Variants in WDR70 observed in about 807,000 individuals in gnomAD.
WDR70 encodes the protein WD repeat-containing protein 70.
A neutral mutation model predicts 88.6 loss-of-function variants in WDR70; 53 were observed. The observed-to-expected ratio is 0.60, with a 90% CI of 0.48 to 0.75. The LOEUF (loss-of-function observed/expected upper bound fraction) is 0.75. Ranked by LOEUF, WDR70 falls within the 30% of genes least tolerant of loss-of-function variation. The probability of loss-of-function intolerance (pLI) is 0.00; values close to 1 mark genes in which losing one functional copy is unlikely to be tolerated. For missense variants in WDR70, 610 were observed against 823.2 expected (o/e 0.74, Z 3.17); for synonymous variants, 280 against 270.0 (o/e 1.04, Z -0.36).
intron 9 of WDR70, among the ~76,000 whole-genome samples, chr5:37,529,543 G>A (rs1741416081): frequency 6.6e-6 from 1 of 151,946 alleles, no homozygotes; most frequent in African/African-American, 2.4e-5. Flanking sequence ...CATGTCCTTG[G>A]TTAGGTAAAT....
rs60774956 is a variant in WDR70, at chr5:37,691,777, A to G, written c.1093-5878A>G. Among the ~76,000 whole-genome samples, 1,210 of 152,314 alleles carry G rather than the reference A, an allele frequency of 7.9e-3. 17 individuals are homozygous for G. The highest frequency in any genetic ancestry group is 0.028 in the African/African-American group (1,147 of 41,560). On this transcript the variant is annotated intron_variant, in intron 10 of 17. Transcript: ENST00000265107. ...AAAGCAGGAAAGATCTAAAATTGAC[A>G]CCCTAACATCACAATTAAAAGAACT...
chr5:37,443,394 A>G, intron 7 of WDR70, 22 bp downstream of exon 7: 1 of 1,612,788 alleles, frequency 6.2e-7, no homozygotes, highest in Non-Finnish European at 8.5e-7. Context: ...CTTACTTAAT[A>G]TCTTCATATT....
intron 9 of WDR70, among the ~76,000 whole-genome samples, chr5:37,577,604 C>T (rs62359042): frequency 0.41 from 62,562 of 151,944 alleles, 15,033 homozygotes; most frequent in Non-Finnish European, 0.54. Context: ...GAGAGATACA[C>T]GTGTGAGGCA....
At chr5:37,752,459 C>T in intron 17 of WDR70, 27 bp from the exon 18 acceptor site, 2 of 1,571,802 alleles carry the variant, frequency 1.3e-6, no homozygotes, top group Non-Finnish European at 1.7e-6. Context: ...CTAAATTTTT[C>T]CTTCTCTTCT....
intron 5 of WDR70, among the ~76,000 whole-genome samples, chr5:37,422,720 C>T (rs935502775): frequency 4.6e-5 from 7 of 152,120 alleles, no homozygotes; most frequent in African/African-American, 9.6e-5. Flanking sequence ...TCAGGTGATC[C>T]GCCTGCCTCC....
At chr5:37,641,678 A>T (rs1745107885) in intron 10 of WDR70, among the ~76,000 whole-genome samples, 1 of 151,932 alleles carries the variant, frequency 6.6e-6, no homozygotes, top group Non-Finnish European at 1.5e-5. Flanking sequence ...CGGCCTCCCA[A>T]AGTGCTGGGA....
chr5:37,420,938 A>G (rs950890601), intron 5 of WDR70, among the ~76,000 whole-genome samples: 1 of 152,130 alleles, frequency 6.6e-6, no homozygotes, highest in Non-Finnish European at 1.5e-5. Flanking sequence ...TAAAAGAATT[A>G]TGACATGAAA....
chr5:37,380,127 C>T (rs181623716), intron 2 of WDR70, among the ~76,000 whole-genome samples: 3 of 152,280 alleles, frequency 2.0e-5, no homozygotes, highest in South Asian at 2.1e-4. Context: ...TAGACTGATA[C>T]ATGAAAAATG....
rs370460677 is a variant in WDR70, at chr5:37,443,387, A to G, written c.686+15A>G. On this transcript the variant is annotated intron_variant, in intron 7 of 17. Transcript: ENST00000265107. Reference sequence around the variant, plus strand: ...CCCTGTGAGTGGTATGTATTCACTTACTTAATATCTTCATATTTGACCTAA... The same window carrying G: ...CCCTGTGAGTGGTATGTATTCACTTGCTTAATATCTTCATATTTGACCTAA... The G allele has an allele frequency of 4.3e-6, 7 of 1,612,746 alleles. No individual in the cohort carries two copies. The highest frequency in any genetic ancestry group is 4.0e-5 in the African/African-American group (3 of 74,870).
chr5:37,726,909 G>A lies in WDR70; in HGVS notation c.1741G>A (p.Gly581Arg), dbSNP rs1296262432. ...TCGTGGTGGCCGAGTTGGAACCCACGGGGGCACTCTCTCTTCCTATATTGT... is the reference window on the plus strand; with the variant it reads ...TCGTGGTGGCCGAGTTGGAACCCACAGGGGCACTCTCTCTTCCTATATTGT... ...PGRGGRVGTH[G>R]GTLSSYIVKN... The change falls in exon 17 of 18, where the codon GGG becomes AGG. Residue 581 changes from glycine (G) to arginine (R), a missense_variant. Gly to Arg is a moderately radical substitution (Grantham distance 125, BLOSUM62 -2). Coordinates refer to ENST00000265107, the MANE Select transcript of WDR70 (RefSeq NM_018034.4). 4 of 1,593,642 alleles carry A rather than the reference G, an allele frequency of 2.5e-6. No individual in the cohort carries two copies. Among genetic ancestry groups the A allele is most frequent in the Non-Finnish European group, 3.4e-6 (4 of 1,173,082 alleles).
intron 9 of WDR70, among the ~76,000 whole-genome samples, chr5:37,546,458 G>T (rs1186120222): frequency 6.6e-6 from 1 of 151,994 alleles, no homozygotes; most frequent in Non-Finnish European, 1.5e-5. Flanking sequence ...AATTTATTTT[G>T]GCTACATGAA....
chr5:37,553,614 ATCT>A lies in WDR70; in HGVS notation c.917+37028_917+37030del, dbSNP rs756626874. 3.3e-5 allele frequency among the ~76,000 whole-genome samples: 5 copies of A among 152,308 alleles called. No individual in the cohort carries two copies. In the East Asian group the frequency reaches 5.8e-4, roughly 18 times the overall value. Reference sequence around the variant, plus strand: ...CATGTGCTGAGGCTGTGTAAAATGTATCTTCTATGTGCAAATCACCACCTTTAT... The same window carrying A: ...CATGTGCTGAGGCTGTGTAAAATGTATCTATGTGCAAATCACCACCTTTAT... On this transcript the variant is annotated intron_variant, in intron 9 of 17. Transcript: ENST00000265107.
Position 37,685,901 on chromosome 5 carries a change from C to T in WDR70, c.1093-11754C>T, listed in dbSNP as rs79867373. On this transcript the variant is annotated intron_variant, in intron 10 of 17. Coordinates refer to ENST00000265107, the MANE Select transcript of WDR70 (RefSeq NM_018034.4). ...GCTCTAACCCCACACAAGTTCCCAG[C>T]TTCCTCCCCCTTCAGCCCAGCTTCT... Among the ~76,000 whole-genome samples the T allele has an allele frequency of 3.6e-3, 555 of 152,302 alleles. 8 individuals are homozygous for T. The highest frequency in any genetic ancestry group is 0.013 in the African/African-American group (528 of 41,566).
At chr5:37,470,942 CA>C (rs1298878606) in intron 7 of WDR70, among the ~76,000 whole-genome samples, 2 of 151,278 alleles carry the variant, frequency 1.3e-5, no homozygotes, top group African/African-American at 4.9e-5. Context: ...GGCTGGAGTG[CA>C]GTGGCACAAT....
At chr5:37,529,078 T>A (rs1266300222) in intron 9 of WDR70, among the ~76,000 whole-genome samples, 1 of 151,996 alleles carries the variant, frequency 6.6e-6, no homozygotes, top group Admixed American at 6.6e-5. Flanking sequence ...TTGAATAGAG[T>A]GTCTTTTCCC....
chr5:37,385,353 C>CA (rs1204000954), intron 3 of WDR70, among the ~76,000 whole-genome samples: 1 of 151,570 alleles, frequency 6.6e-6, no homozygotes, highest in Non-Finnish European at 1.5e-5. Context: ...AGATCCCATT[C>CA]AAAAAATCTT....
intron 17 of WDR70, among the ~76,000 whole-genome samples, chr5:37,734,780 C>T (rs979996390): frequency 6.6e-6 from 1 of 151,968 alleles, no homozygotes; most frequent in African/African-American, 2.4e-5. Flanking sequence ...ACACAAGAGG[C>T]CTTTACTGAA....
intron 8 of WDR70, among the ~76,000 whole-genome samples, chr5:37,500,599 T>G (rs889604221): frequency 6.6e-6 from 1 of 152,178 alleles, no homozygotes; most frequent in African/African-American, 2.4e-5. Context: ...CATTTATTGT[T>G]TTTTCACTTT....
chr5:37,449,523 T>G (rs1479684957), intron 7 of WDR70, among the ~76,000 whole-genome samples: 3 of 147,494 alleles, frequency 2.0e-5, no homozygotes, highest in African/African-American at 7.7e-5. Context: ...ACCCAGAAGG[T>G]GGAGGTTGCA....
Sources: allele counts gnomAD v4.1 joint callset (sites outside exome capture counted in the v4.1 genomes callset), GRCh38; gene constraint gnomAD v4.1.1; transcripts MANE v1.5; gene names NCBI Gene and HGNC (gene_info 2026-07-23, HGNC 2026-07-21).